The following NETO1 variants were observed in gnomAD, a reference collection of about 807,000 sequenced individuals.
NETO1 encodes neuropilin and tolloid-like protein 1.
NETO1 carries 26 observed loss-of-function variants against 61.3 expected under a neutral mutation model. The ratio of observed to expected loss-of-function variants is 0.42; its 90% CI spans 0.31 to 0.59. The LOEUF is 0.59. Ranked by LOEUF, NETO1 falls within the 20% of genes least tolerant of loss-of-function variation. The pLI, the probability that NETO1 is intolerant of heterozygous loss-of-function variation, is 0.12. For missense variants in NETO1, 531 were observed against 662.8 expected (o/e 0.80, Z 2.18); for synonymous variants, 225 against 225.8 (o/e 1.00, Z 0.03).
At chr18:72,846,120 G>A (rs1260270600) in intron 4 of NETO1, among the ~76,000 whole-genome samples, 1 of 151,612 alleles carries the variant, frequency 6.6e-6, no homozygotes, top group Non-Finnish European at 1.5e-5. Flanking sequence ...ATAAAGATTG[G>A]GGCTGACTGG....
At chr18:72,845,838 T>C (rs2074064756) in intron 4 of NETO1, among the ~76,000 whole-genome samples, 1 of 152,218 alleles carries the variant, frequency 6.6e-6, no homozygotes, top group Non-Finnish European at 1.5e-5. Flanking sequence ...TGTCTTAAAT[T>C]AAGAGTTGGC....
chr18:72,800,758 C>T (rs141201832), intron 4 of NETO1, among the ~76,000 whole-genome samples: 2 of 152,094 alleles, frequency 1.3e-5, no homozygotes, highest in Non-Finnish European at 2.9e-5. Context: ...GGACCTAGAA[C>T]AGTGCTTGGG....
intron 7 of NETO1, among the ~76,000 whole-genome samples, chr18:72,776,169 A>C (rs925215958): frequency 6.6e-6 from 1 of 152,182 alleles, no homozygotes; most frequent in Non-Finnish European, 1.5e-5. Flanking sequence ...GAGAGTTTCC[A>C]AGGGGAAGTG....
chr18:72,794,053 C>T (rs1219848570), intron 6 of NETO1, 64 bp downstream of exon 6: 16 of 1,603,676 alleles, frequency 1.0e-5, no homozygotes, highest in South Asian at 2.2e-5. Flanking sequence ...TGCTTCAAAG[C>T]AATGCTTGTT....
chr18:72,860,943 G>C (rs2074553494), intron 3 of NETO1, among the ~76,000 whole-genome samples: 1 of 152,118 alleles, frequency 6.6e-6, no homozygotes, highest in African/African-American at 2.4e-5. Flanking sequence ...AGTATAACAA[G>C]TTTTATGATG....
chr18:72,805,602 G>A (rs575744766), intron 4 of NETO1, among the ~76,000 whole-genome samples: 98 of 152,290 alleles, frequency 6.4e-4, no homozygotes, highest in African/African-American at 2.2e-3. Context: ...GAGAGATTAA[G>A]TAACTAGCCT....
At chr18:72,815,831 A>C (rs1015743824) in intron 4 of NETO1, among the ~76,000 whole-genome samples, 7 of 152,146 alleles carry the variant, frequency 4.6e-5, no homozygotes, top group East Asian at 3.9e-4. Context: ...ATCCTACTGG[A>C]TATAACACAG....
intron 4 of NETO1, 95 bp from the exon 5 acceptor site, chr18:72,794,499 C>T: frequency 1.7e-6 from 2 of 1,201,900 alleles, no homozygotes; most frequent in Admixed American, 4.6e-5. Flanking sequence ...AGAAATCTAC[C>T]TTAAAAAACA....
intron 6 of NETO1, among the ~76,000 whole-genome samples, chr18:72,792,456 G>A (rs2072154804): frequency 6.6e-6 from 1 of 151,638 alleles, no homozygotes; most frequent in Non-Finnish European, 1.5e-5. Context: ...AAACGGTGCG[G>A]AGGGGCTCTT....
intron 4 of NETO1, among the ~76,000 whole-genome samples, chr18:72,820,679 T>C (rs912091966): frequency 6.6e-6 from 1 of 152,200 alleles, no homozygotes; most frequent in Non-Finnish European, 1.5e-5. Context: ...CAAGTGGTCC[T>C]CTCTAACGAG....
chr18:72,750,209 G>A lies in NETO1; in HGVS notation c.1394C>T (p.Pro465Leu). ...LTEMPTQPGK[P>L]LIPPMNRRNI... ...TCTTCTGTTCATGGGTGGGATGAGG[G>A]GTTTTCCTGGCTGTGTGGGCATCTC... Residue 465 changes from proline (P) to leucine (L), a missense_variant, in exon 9 of 11, where the codon CCC (proline) becomes CTC (leucine). Pro to Leu is a moderately conservative substitution (Grantham distance 98, BLOSUM62 -3). Transcript: ENST00000327305. 6.2e-7 allele frequency: 1 copy of A among 1,614,024 alleles called. No homozygotes were observed. Among genetic ancestry groups the A allele is most frequent in the Non-Finnish European group, 8.5e-7 (1 of 1,179,976 alleles).
chr18:72,774,838 A>G (rs1228362263), intron 7 of NETO1, among the ~76,000 whole-genome samples: 1 of 152,162 alleles, frequency 6.6e-6, no homozygotes, highest in Non-Finnish European at 1.5e-5. Flanking sequence ...TCCACCGGGT[A>G]AATTGTAGAC....
intron 7 of NETO1, among the ~76,000 whole-genome samples, 172 bp downstream of exon 7, chr18:72,783,506 C>T (rs527757038): frequency 6.6e-6 from 1 of 152,298 alleles, no homozygotes; most frequent in South Asian, 2.1e-4. Flanking sequence ...TAATATGTAA[C>T]TCTTTCCTGT....
chr18:72,865,625 TA>T (rs1460946874), intron 1 of NETO1: 3 of 1,597,678 alleles, frequency 1.9e-6, no homozygotes, highest in Non-Finnish European at 2.6e-6. Context: ...GGCCAGAAGG[TA>T]AAAAGGAGGA....
chr18:72,834,953 A>G (rs1231961187), intron 4 of NETO1: 3 of 758,788 alleles, frequency 4.0e-6, no homozygotes, highest in East Asian at 1.3e-4. Flanking sequence ...TATATTACAT[A>G]AAACAATATA....
At chr18:72,765,330 C>T (rs144456915) in intron 7 of NETO1, among the ~76,000 whole-genome samples, 3 of 152,254 alleles carry the variant, frequency 2.0e-5, no homozygotes, top group East Asian at 3.9e-4. Context: ...TGCCTTGTTG[C>T]TTCCTCTTAA....
At chr18:72,755,035 C>T (rs1044153702) in intron 8 of NETO1, among the ~76,000 whole-genome samples, 1 of 152,088 alleles carries the variant, frequency 6.6e-6, no homozygotes, top group Non-Finnish European at 1.5e-5. Flanking sequence ...ATTTTTCTTT[C>T]TGAAAAAAAT....
intron 4 of NETO1, among the ~76,000 whole-genome samples, chr18:72,815,063 C>T (rs1366665240): frequency 1.3e-5 from 2 of 152,036 alleles, no homozygotes; most frequent in Non-Finnish European, 2.9e-5. Flanking sequence ...TGCTAAAAGG[C>T]AAAAATGCTC....
intron 7 of NETO1, among the ~76,000 whole-genome samples, chr18:72,782,546 T>C (rs2071779025): frequency 6.6e-6 from 1 of 152,178 alleles, no homozygotes; most frequent in Non-Finnish European, 1.5e-5. Context: ...GGCTCATGCC[T>C]CTAATCCCAG....
Sources: gnomAD v4.1 joint callset for allele counts (sites outside exome capture counted in the v4.1 genomes callset) on GRCh38, gnomAD v4.1.1 for gene constraint, MANE v1.5 for transcripts, NCBI Gene and HGNC (gene_info 2026-07-23, HGNC 2026-07-21) for gene names.